SLC24A2: variants seen among roughly 807,000 people sequenced by gnomAD.
SLC24A2 encodes the protein sodium/potassium/calcium exchanger 2.
SLC24A2 carries 36 observed loss-of-function variants against 62.0 expected under a neutral mutation model. That is an observed-to-expected ratio of 0.58 (90% confidence interval 0.44 to 0.77). The LOEUF (loss-of-function observed/expected upper bound fraction) is 0.77, where lower values mean the gene tolerates loss of function less well. SLC24A2 is among the 30% of genes least tolerant of loss of function. The pLI, the probability that SLC24A2 is intolerant of heterozygous loss-of-function variation, is 0.00. For synonymous variants in SLC24A2, 358 were observed against 294.0 expected, an observed-to-expected ratio of 1.22 and a Z score of -2.23; for missense variants, 846 against 817.9, an observed-to-expected ratio of 1.03 and a Z score of -0.42.
chr9:20,281,334 A>G, the SLC24A2 span, among the ~76,000 whole-genome samples: 2 of 152,226 alleles, frequency 1.3e-5, no homozygotes, highest in Non-Finnish European at 2.9e-5. Context: ...TGAAGTATAT[A>G]CTTTTCACAT....
chr9:19,948,813 C>A, the SLC24A2 span, among the ~76,000 whole-genome samples: 2 of 143,176 alleles, frequency 1.4e-5, no homozygotes, highest in Non-Finnish European at 3.0e-5. Flanking sequence ...CCACAGCACT[C>A]CCGCCTGGGC....
At chr9:19,541,942 A>G (rs1834284071) in intron 8 of SLC24A2, among the ~76,000 whole-genome samples, 1 of 152,148 alleles carries the variant, frequency 6.6e-6, no homozygotes, top group Admixed American at 6.5e-5. Flanking sequence ...GAAAAGCGCA[A>G]TATTCGGGTG....
At chr9:19,959,757 A>G in the SLC24A2 span, among the ~76,000 whole-genome samples, 2 of 152,196 alleles carry the variant, frequency 1.3e-5, no homozygotes, top group African/African-American at 4.8e-5. Context: ...ATAACTTAAC[A>G]ATTGCTGGTA....
rs373180930 is a variant in SLC24A2, at chr9:19,557,221, G to T, written c.1348-6953C>A. Among the ~76,000 whole-genome samples the T allele has an allele frequency of 2.0e-5, 3 of 152,146 alleles. No individual in the cohort carries two copies. In the East Asian group the frequency reaches 5.8e-4, roughly 29 times the overall value. ...TGGGCTTTACATCCAGTTATACCAG[G>T]ATTCTCAGCTTTGTTTTGTAATAAA... On this transcript the variant is annotated intron_variant, in intron 7 of 10. Coordinates refer to ENST00000341998, the MANE Select transcript of SLC24A2 (RefSeq NM_020344.4).
the SLC24A2 span, among the ~76,000 whole-genome samples, chr9:19,801,082 G>T: frequency 6.6e-6 from 1 of 152,156 alleles, no homozygotes; most frequent in African/African-American, 2.4e-5. Context: ...GATGGTGGCC[G>T]GCCGCTTCCA....
At chr9:19,915,081 AC>A in the SLC24A2 span, among the ~76,000 whole-genome samples, 2 of 151,976 alleles carry the variant, frequency 1.3e-5, no homozygotes, top group Non-Finnish European at 2.9e-5. Context: ...CCCAAAAGAA[AC>A]CCTATACCTC....
chr9:19,735,272 G>A (rs1167216485), intron 2 of SLC24A2, among the ~76,000 whole-genome samples: 1 of 152,088 alleles, frequency 6.6e-6, no homozygotes, highest in African/African-American at 2.4e-5. Flanking sequence ...ATCATCACTG[G>A]CCATCAGAGA....
At chr9:20,063,173 C>A in the SLC24A2 span, among the ~76,000 whole-genome samples, 1 of 148,438 alleles carries the variant, frequency 6.7e-6, no homozygotes. Context: ...AATCATGCTG[C>A]TATAAAGACA....
chr9:20,082,064 T>A, the SLC24A2 span, among the ~76,000 whole-genome samples: 1 of 152,198 alleles, frequency 6.6e-6, no homozygotes, highest in African/African-American at 2.4e-5. Context: ...TGAGTGAATT[T>A]CATGCGCTCC....
chr9:20,041,918 G>A, the SLC24A2 span, among the ~76,000 whole-genome samples: 2 of 152,258 alleles, frequency 1.3e-5, no homozygotes, highest in Non-Finnish European at 2.9e-5. Flanking sequence ...TAGGCTTGCT[G>A]CCGAGAGCCC....
chr9:19,792,659 G>A (rs1470608012), upstream of SLC24A2, among the ~76,000 whole-genome samples: 3 of 151,358 alleles, frequency 2.0e-5, no homozygotes, highest in Non-Finnish European at 2.9e-5. Context: ...AGTGAGCCGA[G>A]ACGGCGCCAT....
intron 7 of SLC24A2, among the ~76,000 whole-genome samples, chr9:19,553,880 C>G (rs1834959034): frequency 6.6e-6 from 1 of 152,194 alleles, no homozygotes; most frequent in African/African-American, 2.4e-5. Flanking sequence ...TGGCAAGAGA[C>G]TACTGCTTGT....
chr9:19,745,710 T>C (rs1225568520), intron 2 of SLC24A2, among the ~76,000 whole-genome samples: 2 of 152,198 alleles, frequency 1.3e-5, no homozygotes, highest in Non-Finnish European at 2.9e-5. Flanking sequence ...AAGACCTGCA[T>C]TGATATAACA....
the SLC24A2 span, among the ~76,000 whole-genome samples, chr9:20,301,840 C>A: frequency 2.6e-5 from 4 of 152,248 alleles, no homozygotes; most frequent in South Asian, 6.2e-4. Flanking sequence ...CAGGTATCCA[C>A]TATTATAGTA....
At chr9:19,642,940 A>G (rs1460823473) in intron 2 of SLC24A2, among the ~76,000 whole-genome samples, 2 of 147,968 alleles carry the variant, frequency 1.4e-5, no homozygotes, top group Non-Finnish European at 3.0e-5. Context: ...TTGGCTTCCC[A>G]AAGTGCTGGG....
the SLC24A2 span, among the ~76,000 whole-genome samples, chr9:19,873,022 G>A: frequency 6.6e-6 from 1 of 151,842 alleles, no homozygotes; most frequent in Non-Finnish European, 1.5e-5. Flanking sequence ...ATGATTCAGG[G>A]CATTATAGAA....
In SLC24A2 at chr9:19,516,415, G is replaced by A; in HGVS notation, c.1737-13C>T. ...GGGCAGTGGGAGCCTGTGCAGAAGT[G>A]AAGCAGGGCAGAGGGGAGTGGGAAG... On this transcript the variant is annotated splice_polypyrimidine_tract_variant and intron_variant, in intron 10 of 10. Coordinates refer to ENST00000341998, the MANE Select transcript of SLC24A2 (RefSeq NM_020344.4). 6.2e-7 allele frequency: 1 copy of A among 1,613,180 alleles called. No individual in the cohort carries two copies. The highest frequency in any genetic ancestry group is 8.5e-7 in the Non-Finnish European group (1 of 1,179,840).
chr9:19,597,281 TACA>T lies in SLC24A2; in HGVS notation c.1079-5_1079-3del. 6.4e-7 allele frequency: 1 copy of T among 1,559,674 alleles called. No individual in the cohort carries two copies. The highest frequency in any genetic ancestry group is 8.8e-7 in the Non-Finnish European group (1 of 1,130,600). On this transcript the variant is annotated splice_region_variant and splice_polypyrimidine_tract_variant and intron_variant, in intron 4 of 10. Transcript: ENST00000341998. ...TTAGTTTTCCATATGATCCAAGTTC[TACA>T]ACATCACAGTAAAAGACACAAAGAT...
the SLC24A2 span, among the ~76,000 whole-genome samples, chr9:20,182,384 C>A: frequency 1.3e-5 from 2 of 152,194 alleles, no homozygotes; most frequent in South Asian, 4.1e-4. Flanking sequence ...TGGAACCAAC[C>A]TAAATGTCCA....
Sources: gnomAD v4.1 joint callset for allele counts (sites outside exome capture counted in the v4.1 genomes callset) on GRCh38, gnomAD v4.1.1 for gene constraint, MANE v1.5 for transcripts, NCBI Gene and HGNC (gene_info 2026-07-23, HGNC 2026-07-21) for gene names.